Variants in LEPROTL1 observed in about 807,000 individuals in gnomAD.
The protein encoded by LEPROTL1 is leptin receptor overlapping transcript-like 1.
In LEPROTL1, 6 loss-of-function variants were observed where a neutral mutation model predicts 15.4. The observed-to-expected ratio is 0.39, with a 90% CI of 0.21 to 0.77. The LOEUF is 0.77. LEPROTL1 is among the 30% of genes least tolerant of loss of function. The pLI, the probability that LEPROTL1 is intolerant of heterozygous loss-of-function variation, is 0.41. For missense variants in LEPROTL1, 128 were observed against 158.1 expected (o/e 0.81, Z 1.02); for synonymous variants, 56 against 52.6 (o/e 1.06, Z -0.28).
intron 3 of LEPROTL1, chr8:30,132,174 G>T: frequency 6.4e-7 from 1 of 1,551,872 alleles, no homozygotes; most frequent in Non-Finnish European, 8.7e-7. Flanking sequence ...AGTGAATCAG[G>T]TAGTCAGCTT....
intron 1 of LEPROTL1, among the ~76,000 whole-genome samples, chr8:30,099,580 G>A (rs370173235): frequency 9.8e-5 from 14 of 142,406 alleles, no homozygotes; most frequent in East Asian, 8.1e-4. Flanking sequence ...CCATCCTGGC[G>A]ACAGCGCAAG....
chr8:30,123,982 T>C (rs75837940), intron 3 of LEPROTL1, among the ~76,000 whole-genome samples: 2 of 133,162 alleles, frequency 1.5e-5, no homozygotes, highest in Admixed American at 7.5e-5. Context: ...AGGAATAGGC[T>C]TTTTTTTTTT....
intron 3 of LEPROTL1, among the ~76,000 whole-genome samples, chr8:30,119,974 C>T (rs1802803701): frequency 6.6e-6 from 1 of 152,090 alleles, no homozygotes; most frequent in Admixed American, 6.5e-5. Flanking sequence ...GAGGCTGAGG[C>T]AGGAGAATCA....
Position 30,114,923 on chromosome 8 carries a change from G to A in LEPROTL1, c.279+10437G>A, listed in dbSNP as rs577832776. On this transcript the variant is annotated intron_variant, in intron 3 of 4. Transcript: ENST00000442880. ...CCTCCTCTACTCCCCTTTCATTGCCGGAGCAAGTCACACAGCCACACCTGA... is the reference window on the plus strand; with the variant it reads ...CCTCCTCTACTCCCCTTTCATTGCCAGAGCAAGTCACACAGCCACACCTGA... Among the ~76,000 whole-genome samples the A allele has an allele frequency of 1.9e-4, 29 of 152,156 alleles. 1 individual carries two copies. The highest frequency in any genetic ancestry group is 6.5e-4 in the African/African-American group (27 of 41,506).
chr8:30,133,234 G>A (rs182500128), intron 4 of LEPROTL1, among the ~76,000 whole-genome samples: 12 of 152,222 alleles, frequency 7.9e-5, no homozygotes, highest in Admixed American at 2.6e-4. Flanking sequence ...TAGATCTTAA[G>A]TATACAGTGG....
chr8:30,127,995 A>T (rs1802933928), intron 3 of LEPROTL1, among the ~76,000 whole-genome samples: 1 of 152,050 alleles, frequency 6.6e-6, no homozygotes, highest in Non-Finnish European at 1.5e-5. Context: ...AGGATAGGGA[A>T]ACTGTTGCCA....
downstream of LEPROTL1, among the ~76,000 whole-genome samples, chr8:30,113,046 C>T (rs1461950193): frequency 2.0e-5 from 3 of 147,622 alleles, no homozygotes; most frequent in African/African-American, 7.5e-5. Context: ...CTGAGGCTGG[C>T]GGATCACTTG....
intron 3 of LEPROTL1, among the ~76,000 whole-genome samples, chr8:30,116,450 G>A (rs1053380667): frequency 5.9e-5 from 9 of 152,118 alleles, no homozygotes; most frequent in Non-Finnish European, 8.8e-5. Context: ...TAAGGAGCGC[G>A]CAACCTAGAT....
In LEPROTL1 at chr8:30,101,956, T is replaced by C; in HGVS notation, c.75T>C (p.Cys25=). The change falls in exon 2 of 4, where the codon TGT becomes TGC. Residue 25 remains cysteine (C), a synonymous_variant. Coordinates refer to ENST00000321250, the MANE Select transcript of LEPROTL1 (RefSeq NM_015344.3). ...GACTGATGTTTTTGATGCTTGGATG[T>C]GCCCTTCCAATATACAAGTATGTAA... The part of the protein sequence containing the change: ...AIGLMFLMLG[C]ALPIYNKYWP... 1 of 1,605,484 alleles carries C rather than the reference T, an allele frequency of 6.2e-7. No individual in the cohort carries two copies.
chr8:30,133,282 AAT>A (rs1803067430), intron 4 of LEPROTL1, among the ~76,000 whole-genome samples: 1 of 152,296 alleles, frequency 6.6e-6, no homozygotes, highest in Middle Eastern at 3.4e-3. Context: ...AACTTTTAAG[AAT>A]AGTTACCTCT....
chr8:30,132,120 G>A, intron 3 of LEPROTL1: 1 of 1,551,696 alleles, frequency 6.4e-7, no homozygotes, highest in Non-Finnish European at 8.7e-7. Context: ...GGGTTCTATA[G>A]AACAGCCTCA....
At chr8:30,124,757 A>C (rs1275337207) in intron 3 of LEPROTL1, among the ~76,000 whole-genome samples, 1 of 152,234 alleles carries the variant, frequency 6.6e-6, no homozygotes, top group Non-Finnish European at 1.5e-5. Flanking sequence ...TCAGCTGCAT[A>C]TTTAAGAAAT....
At chr8:30,113,107 CAAAAAA>C (rs578198019), downstream of LEPROTL1, among the ~76,000 whole-genome samples, 263 of 95,434 alleles carry the variant, frequency 2.8e-3, 3 homozygotes, top group South Asian at 0.01. Context: ...CCCGTCTCTC[CAAAAAA>C]AAAAAAAAAA....
chr8:30,135,081 G>A (rs1306772057), intron 4 of LEPROTL1, among the ~76,000 whole-genome samples: 28 of 147,390 alleles, frequency 1.9e-4, no homozygotes, highest in African/African-American at 7.0e-4. Flanking sequence ...TTGTAGAGAT[G>A]GGATTTCACT....
intron 1 of LEPROTL1, chr8:30,096,329 G>A (rs1398399360): frequency 1.0e-6 from 1 of 984,716 alleles, no homozygotes; most frequent in Non-Finnish European, 1.2e-6. Flanking sequence ...TGTTGTCAGT[G>A]TGATGAGAAG....
chr8:30,128,766 A>T (rs1298223189), intron 3 of LEPROTL1, among the ~76,000 whole-genome samples: 1 of 151,808 alleles, frequency 6.6e-6, no homozygotes, highest in Non-Finnish European at 1.5e-5. Flanking sequence ...AAAAAAAAAA[A>T]ATACTGAAGT....
At chr8:30,109,693 G>C (rs1375471850), downstream of LEPROTL1, among the ~76,000 whole-genome samples, 1 of 151,904 alleles carries the variant, frequency 6.6e-6, no homozygotes, top group African/African-American at 2.4e-5. Flanking sequence ...AGTATATTAG[G>C]AAGAGTGGAA....
In LEPROTL1 at chr8:30,104,453, T is replaced by A; in HGVS notation, c.246T>A (p.Phe82Leu). 1 of 1,611,966 alleles carries A rather than the reference T, an allele frequency of 6.2e-7. No individual in the cohort carries two copies. Among genetic ancestry groups the A allele is most frequent in the Non-Finnish European group, 8.5e-7 (1 of 1,179,092 alleles). Residue 82 changes from phenylalanine (F) to leucine (L), a missense_variant, in exon 3 of 4, where the codon TTT becomes TTA. Coordinates refer to ENST00000321250, the MANE Select transcript of LEPROTL1 (RefSeq NM_015344.3). ...CAACGGGCATTGTCGTGTCAGCTTT[T>A]GGACTCCCTATTGTATTTGCCAGAG... Reference protein sequence around the residue: ...FLTTGIVVSAFGLPIVFARAH... With the variant: ...FLTTGIVVSALGLPIVFARAH...
At chr8:30,112,467 CCAGGCTGGTCT>C (rs1353289989), downstream of LEPROTL1, among the ~76,000 whole-genome samples, 3 of 125,852 alleles carry the variant, frequency 2.4e-5, no homozygotes, top group Non-Finnish European at 4.7e-5. Flanking sequence ...ACCATGTTGG[CCAGGCTGGTCT>C]CAAACTCCTG....
Sources: gnomAD v4.1 joint callset for allele counts (sites outside exome capture counted in the v4.1 genomes callset) on GRCh38, gnomAD v4.1.1 for gene constraint, MANE v1.5 for transcripts, NCBI Gene and HGNC (gene_info 2026-07-23, HGNC 2026-07-21) for gene names.